Variants in RAPGEF2 observed in about 807,000 individuals in gnomAD.
RAPGEF2 encodes the protein Rap guanine nucleotide exchange factor 2.
Under a neutral mutation model 186.7 loss-of-function variants are expected in RAPGEF2, and 54 were observed. The ratio of observed to expected loss-of-function variants is 0.29; its 90% confidence interval spans 0.23 to 0.36. The LOEUF is 0.36. RAPGEF2 is among the 10% of genes least tolerant of loss of function. The pLI is 1.00. For missense variants in RAPGEF2, 1,532 were observed against 2,045.0 expected, an observed-to-expected ratio of 0.75 and a Z score of 4.84; for synonymous variants, 712 against 705.9, an observed-to-expected ratio of 1.01 and a Z score of -0.14.
chr4:159,270,935 T>C (rs568420778), intron 7 of RAPGEF2, among the ~76,000 whole-genome samples: 1 of 152,318 alleles, frequency 6.6e-6, no homozygotes, highest in Non-Finnish European at 1.5e-5. Flanking sequence ...TTTGTGAATA[T>C]AAAAATGTAA....
intron 17 of RAPGEF2, chr4:159,332,910 G>A (rs959515871): frequency 2.6e-6 from 1 of 379,666 alleles, no homozygotes; most frequent in Non-Finnish European, 4.5e-6. Context: ...AGATAGTTTA[G>A]CATTTCCTCA....
chr4:159,237,785 G>A (rs1272847977), intron 4 of RAPGEF2, among the ~76,000 whole-genome samples: 3 of 144,500 alleles, frequency 2.1e-5, no homozygotes, highest in Admixed American at 7.2e-5. Context: ...GATTGATTGT[G>A]GCCCTAAGTT....
intron 4 of RAPGEF2, among the ~76,000 whole-genome samples, chr4:159,217,738 T>A (rs1751121837): frequency 6.6e-6 from 1 of 152,222 alleles, no homozygotes; most frequent in African/African-American, 2.4e-5. Flanking sequence ...TCCAACCTGT[T>A]CTCCACAATG....
chr4:159,233,392 C>A (rs1213141009), intron 4 of RAPGEF2, among the ~76,000 whole-genome samples: 1 of 152,156 alleles, frequency 6.6e-6, no homozygotes, highest in African/African-American at 2.4e-5. Flanking sequence ...AATCCCACCA[C>A]CATTTGTTGA....
intron 3 of RAPGEF2, among the ~76,000 whole-genome samples, chr4:159,198,284 TTCTTTCTTTCTTTCTTTCTTTC>T (rs1561074614): frequency 8.7e-5 from 1 of 11,470 alleles, no homozygotes; most frequent in Non-Finnish European, 1.6e-4. Flanking sequence ...CTTTCTTTCT[TTCTTTCTTTCTTTCTTTCTTTC>T]TTTCTTTCTT....
intron 1 of RAPGEF2, among the ~76,000 whole-genome samples, chr4:159,115,681 A>G (rs537216557): frequency 6.6e-6 from 1 of 152,194 alleles, no homozygotes; most frequent in African/African-American, 2.4e-5. Context: ...CTGAGTTCAA[A>G]CTATACTACA....
At chr4:159,186,535 A>T (rs191632070) in intron 1 of RAPGEF2, 107 bp from the exon 2 acceptor site, 38 of 503,152 alleles carry the variant, frequency 7.6e-5, no homozygotes, top group African/African-American at 1.6e-4. Flanking sequence ...ATGTATTTTT[A>T]AAAAAGCTAT....
At chr4:159,341,467 C>T in intron 19 of RAPGEF2, 97 bp from the exon 20 acceptor site, 1 of 1,268,556 alleles carries the variant, frequency 7.9e-7, no homozygotes, top group Non-Finnish European at 1.1e-6. Context: ...AATCAGTGCT[C>T]TCTCAAACTT....
intron 8 of RAPGEF2, among the ~76,000 whole-genome samples, chr4:159,308,373 T>C (rs149235662): frequency 1.0e-3 from 156 of 152,362 alleles, no homozygotes; most frequent in Non-Finnish European, 1.8e-3. Flanking sequence ...ACTTAACATT[T>C]AGTAGAGATT....
chr4:159,191,523 G>A (rs1044636084), intron 2 of RAPGEF2, among the ~76,000 whole-genome samples: 2 of 152,134 alleles, frequency 1.3e-5, no homozygotes, highest in South Asian at 2.1e-4. Flanking sequence ...GACGGATCAC[G>A]AGGTCACAAG....
rs777976099 is a variant in RAPGEF2 at position 159,353,928 on chromosome 4, G to C, written c.4533G>C (p.Lys1511Asn). Residue 1511 changes from lysine (K) to asparagine (N), a missense_variant, in exon 28 of 30, where the codon AAG (lysine) becomes AAC (asparagine). Around this residue, in one of 4 missense-constraint regions of RAPGEF2, gnomAD observed 594 missense variants for 608.5 expected, o/e 0.98. Coordinates refer to ENST00000691494, the MANE Select transcript of RAPGEF2 (RefSeq NM_001394067.2). This position sits in a 1 kb window ranked among gnomAD's most constrained non-coding sequence, Gnocchi z 4.3. ...GCACAATAAAGCGGAGGGGTGGAAA[G>C]GATGTTTCCATTGAAGCCGAAAGCA... The part of the protein sequence containing the change: ...DTGTIKRRGG[K>N]DVSIEAESSS... 1 of 1,614,192 alleles carries C rather than the reference G, an allele frequency of 6.2e-7. No individual in the cohort carries two copies. The highest frequency in any genetic ancestry group is 1.1e-5 in the South Asian group (1 of 91,084).
chr4:159,147,594 A>G (rs755833721), intron 1 of RAPGEF2, among the ~76,000 whole-genome samples: 3 of 152,214 alleles, frequency 2.0e-5, no homozygotes, highest in Non-Finnish European at 2.9e-5. Flanking sequence ...AATTTGGAAT[A>G]AAAGATTATT....
rs558973988 is a variant in RAPGEF2, at chr4:159,233,805, TTTTAA to T, written c.282-4998_282-4994del. 3.7e-4 allele frequency among the ~76,000 whole-genome samples: 57 copies of T among 152,250 alleles called. 1 individual carries two copies. Among genetic ancestry groups the T allele is most frequent in the South Asian group, 2.3e-3 (11 of 4,818 alleles). ...ATATATATATAAGGAAAAAAAGTCC[TTTTAA>T]TTTAACACACACAAAAAATCAATTG... On this transcript the variant is annotated intron_variant, in intron 4 of 29. Coordinates refer to ENST00000691494, the MANE Select transcript of RAPGEF2 (RefSeq NM_001394067.2).
At chr4:159,121,281 A>G (rs1032621505) in intron 1 of RAPGEF2, among the ~76,000 whole-genome samples, 1 of 152,104 alleles carries the variant, frequency 6.6e-6, no homozygotes, top group Non-Finnish European at 1.5e-5. Flanking sequence ...TGAACCTTGG[A>G]ACAACATGGT....
chr4:159,346,747 C>A (rs965395639), intron 24 of RAPGEF2, 42 bp from the exon 25 acceptor site: 1 of 1,532,794 alleles, frequency 6.5e-7, no homozygotes, highest in Admixed American at 1.7e-5. Flanking sequence ...CTACTAGCAT[C>A]TAAAATTCTT....
intron 7 of RAPGEF2, among the ~76,000 whole-genome samples, chr4:159,283,019 T>C (rs2110904022): frequency 6.6e-6 from 1 of 152,352 alleles, no homozygotes. Flanking sequence ...GGTTATTTGC[T>C]TTCTTACTGC....
intron 17 of RAPGEF2, among the ~76,000 whole-genome samples, chr4:159,335,752 C>T (rs960641255): frequency 2.8e-5 from 4 of 144,866 alleles, no homozygotes; most frequent in Non-Finnish European, 4.5e-5. Flanking sequence ...AGGAGAATGG[C>T]GTGAACCCGG....
rs1489867371 is a variant in RAPGEF2, at chr4:159,237,904, G to C, written c.282-905G>C. On this transcript the variant is annotated intron_variant, in intron 4 of 29. Coordinates refer to ENST00000691494, the MANE Select transcript of RAPGEF2 (RefSeq NM_001394067.2). The stretch of plus-strand genomic sequence containing the variant: ...ATGGTGGTACGCACCTGTAGTCCCA[G>C]CTACTTGGGAGTCTGAGGCAGGAGG... Among the ~76,000 whole-genome samples, 3 of 144,582 alleles carry C rather than the reference G, an allele frequency of 2.1e-5. No homozygotes were observed. In the East Asian group the frequency reaches 6.1e-4, roughly 30 times the overall value. The allele number at this position is 144,582 out of a possible 152,430, so 94.9% of individuals were successfully genotyped here.
chr4:159,128,125 C>T (rs1486297178), intron 1 of RAPGEF2, among the ~76,000 whole-genome samples: 2 of 152,042 alleles, frequency 1.3e-5, no homozygotes, highest in Non-Finnish European at 2.9e-5. Flanking sequence ...TTAGGAGATA[C>T]TTTAAATTGT....
Sources: allele counts gnomAD v4.1 joint callset (sites outside exome capture counted in the v4.1 genomes callset), GRCh38; gene constraint gnomAD v4.1.1; regional missense constraint gnomAD v4.1.1; non-coding constraint Gnocchi (gnomAD v3.1); transcripts MANE v1.5; gene names NCBI Gene and HGNC (gene_info 2026-07-23, HGNC 2026-07-21).